Variants in PVT1 observed in about 807,000 individuals in gnomAD.
The protein encoded by PVT1 is CXCR4/PVT1 fusion.
At chr8:128,019,673 G>A (rs559446333) in intron 4 of PVT1, among the ~76,000 whole-genome samples, 1 of 152,282 alleles carries the variant, frequency 6.6e-6, no homozygotes, top group African/African-American at 2.4e-5. Context: ...TATCACGGAT[G>A]TCTTCCTAGA....
At chr8:127,903,711 G>A (rs1340518603) in intron 3 of PVT1, among the ~76,000 whole-genome samples, 3 of 152,122 alleles carry the variant, frequency 2.0e-5, no homozygotes, top group Non-Finnish European at 4.4e-5. Flanking sequence ...TTTTTGTCAA[G>A]TTTGTTGAAG....
chr8:128,011,833 G>A (rs554045663), intron 4 of PVT1, among the ~76,000 whole-genome samples: 1 of 152,260 alleles, frequency 6.6e-6, no homozygotes, highest in East Asian at 1.9e-4. Context: ...TAGGCAAACA[G>A]AAAGCAACTT....
rs559870026 is a variant in PVT1 at position 127,797,724 on chromosome 8, C to T, written n.372+1653C>T. Among the ~76,000 whole-genome samples the T allele has an allele frequency of 2.6e-5, 4 of 152,284 alleles. No homozygotes were observed. In the East Asian group the frequency reaches 7.7e-4, roughly 29 times the overall value. On this transcript the variant is annotated intron_variant and non_coding_transcript_variant, in intron 2 of 10. Coordinates refer to ENST00000651587, the Ensembl canonical transcript of PVT1. ...AAAGCATGTTCTTCACCTTCTACTCCCTACAACTCCATGAGGCATTTATAA... is the reference window on the plus strand; with the variant it reads ...AAAGCATGTTCTTCACCTTCTACTCTCTACAACTCCATGAGGCATTTATAA...
intron 2 of PVT1, among the ~76,000 whole-genome samples, chr8:127,812,108 CAAAAG>C (rs1025318796): frequency 2.1e-5 from 2 of 95,908 alleles, no homozygotes; most frequent in African/African-American, 4.0e-5. Context: ...GACATCGTCT[CAAAAG>C]AAAAGAAAGG....
At chr8:128,045,814 G>T (rs1461953774) in intron 4 of PVT1, among the ~76,000 whole-genome samples, 1 of 152,212 alleles carries the variant, frequency 6.6e-6, no homozygotes, top group Non-Finnish European at 1.5e-5. Context: ...TTCCTTTCCT[G>T]TTGGATTTGA....
At chr8:128,091,332 G>A (rs1279964957) in intron 5 of PVT1, among the ~76,000 whole-genome samples, 2 of 152,264 alleles carry the variant, frequency 1.3e-5, no homozygotes, top group South Asian at 4.1e-4. Flanking sequence ...CCCAGCTGTC[G>A]GCTAAGCCTG....
At chr8:128,027,935 T>C (rs951054262) in intron 4 of PVT1, among the ~76,000 whole-genome samples, 1 of 152,232 alleles carries the variant, frequency 6.6e-6, no homozygotes, top group African/African-American at 2.4e-5. Context: ...GGCTCATACC[T>C]GAGGCCCCCA....
chr8:128,027,531 A>C (rs1423290604), intron 4 of PVT1, among the ~76,000 whole-genome samples: 1 of 152,190 alleles, frequency 6.6e-6, no homozygotes, highest in East Asian at 1.9e-4. Context: ...TCAGGGGATG[A>C]AGCCATAGGC....
intron 2 of PVT1, among the ~76,000 whole-genome samples, chr8:127,846,980 CTTTTT>C (rs34437112): frequency 1.6e-5 from 1 of 62,426 alleles, no homozygotes; most frequent in Admixed American, 2.0e-4. Flanking sequence ...TGCACATGGC[CTTTTT>C]TTTTTTTTTT....
At chr8:127,974,326 A>G (rs963617991) in intron 3 of PVT1, among the ~76,000 whole-genome samples, 1 of 152,046 alleles carries the variant, frequency 6.6e-6, no homozygotes, top group African/African-American at 2.4e-5. Flanking sequence ...CCTGAATTCT[A>G]TTTCCAGTTC....
chr8:127,869,952 C>T (rs371286437), intron 2 of PVT1, among the ~76,000 whole-genome samples: 10 of 152,060 alleles, frequency 6.6e-5, no homozygotes, highest in East Asian at 1.9e-4. Context: ...TACAGGCACC[C>T]GCCACCAGGC....
chr8:127,839,182 A>G lies in PVT1; in HGVS notation n.372+43111A>G, dbSNP rs1436810971. On this transcript the variant is annotated intron_variant and non_coding_transcript_variant, in intron 2 of 10. Transcript: ENST00000651587. ...TTAAGCAACGTGTGACTGTCCTATT[A>G]TCATCACCCCATTTTACAGATGAAG... 2.6e-5 allele frequency among the ~76,000 whole-genome samples: 4 copies of G among 152,172 alleles called. No homozygotes were observed. In the South Asian group the frequency reaches 6.2e-4, roughly 24 times the overall value.
At chr8:127,930,800 G>T (rs896698437) in intron 3 of PVT1, among the ~76,000 whole-genome samples, 5 of 152,170 alleles carry the variant, frequency 3.3e-5, no homozygotes, top group African/African-American at 1.2e-4. Flanking sequence ...TTTCAGGTTC[G>T]TGATGATATC....
At chr8:127,993,499 C>T (rs1037205576) in intron 4 of PVT1, among the ~76,000 whole-genome samples, 1 of 152,232 alleles carries the variant, frequency 6.6e-6, no homozygotes, top group Non-Finnish European at 1.5e-5. Flanking sequence ...TTCTTATCCT[C>T]TCTCCGGGGG....
At chr8:127,864,713 A>AT (rs1384816553) in intron 2 of PVT1, among the ~76,000 whole-genome samples, 18 of 151,528 alleles carry the variant, frequency 1.2e-4, no homozygotes, top group African/African-American at 3.1e-4. Context: ...ACGCCCGGCT[A>AT]TTTTTTTTGT....
intron 3 of PVT1, among the ~76,000 whole-genome samples, chr8:127,957,203 G>A (rs986312173): frequency 3.9e-5 from 6 of 152,146 alleles, no homozygotes; most frequent in African/African-American, 1.2e-4. Context: ...CTGCTCCCGA[G>A]CACTAGGAAA....
chr8:127,928,975 A>C (rs991526552), intron 3 of PVT1, among the ~76,000 whole-genome samples: 4 of 152,202 alleles, frequency 2.6e-5, no homozygotes, highest in Non-Finnish European at 5.9e-5. Flanking sequence ...TTTGCACTTC[A>C]TGATATGCGG....
intron 4 of PVT1, chr8:128,049,212 C>T (rs759825472): frequency 1.1e-5 from 6 of 531,406 alleles, no homozygotes; most frequent in African/African-American, 1.9e-5. Context: ...ATCAGCTGGC[C>T]CTCATTTCTT....
chr8:127,845,985 G>C (rs1815029568), intron 2 of PVT1, among the ~76,000 whole-genome samples: 1 of 152,240 alleles, frequency 6.6e-6, no homozygotes, highest in African/African-American at 2.4e-5. Flanking sequence ...GGGGTCCCAG[G>C]AAGGCTGTGC....
Sources: allele counts gnomAD v4.1 joint callset (sites outside exome capture counted in the v4.1 genomes callset), GRCh38; gene constraint gnomAD v4.1.1; transcripts MANE v1.5; gene names NCBI Gene and HGNC (gene_info 2026-07-23, HGNC 2026-07-21).